Variants in CCDC171 observed in about 807,000 individuals in gnomAD.
CCDC171 encodes coiled-coil domain containing 171.
CCDC171 carries 177 observed loss-of-function variants against 168.2 expected under a neutral mutation model. That is an observed-to-expected ratio of 1.05 (90% CI 0.93 to 1.19). The LOEUF (loss-of-function observed/expected upper bound fraction) is 1.19, where lower values mean the gene tolerates loss of function less well. Among genes scored for constraint, CCDC171 ranks in the 50% most tolerant of loss-of-function variants. The pLI, the probability that CCDC171 is intolerant of heterozygous loss-of-function variation, is 0.00. For missense variants in CCDC171, 1,991 were observed against 1,539.0 expected (o/e 1.29, Z -4.91); for synonymous variants, 687 against 540.8 (o/e 1.27, Z -3.75).
rs560658870 is a variant in CCDC171, at chr9:15,973,395, G to C, written c.*1559G>C. Reference sequence around the variant, plus strand: ...TTTTTTTATTGGCCTTGGTAAATAAGATTTTATACTAACTATTTATTAGTA... The same window carrying C: ...TTTTTTTATTGGCCTTGGTAAATAACATTTTATACTAACTATTTATTAGTA... On this transcript the variant is annotated 3_prime_UTR_variant, in exon 26 of 26. Coordinates refer to ENST00000380701, the MANE Select transcript of CCDC171 (RefSeq NM_173550.4). 34 of 152,048 alleles carry C rather than the reference G, an allele frequency of 2.2e-4. No homozygotes were observed. Among genetic ancestry groups the C allele is most frequent in the African/African-American group, 8.2e-4 (34 of 41,498 alleles). 9.4% of individuals were successfully genotyped at this position (152,048 alleles called of 1,614,324 possible).
At chr9:15,982,549 G>C (rs767425718) in intron 3 of CCDC171, among the ~76,000 whole-genome samples, 1 of 152,140 alleles carries the variant, frequency 6.6e-6, no homozygotes, top group Non-Finnish European at 1.5e-5. Flanking sequence ...TGGAACCTGA[G>C]GGCAGGAGTG....
intron 11 of CCDC171, among the ~76,000 whole-genome samples, chr9:15,715,149 G>T (rs948970805): frequency 3.3e-5 from 5 of 152,186 alleles, no homozygotes; most frequent in African/African-American, 4.8e-5. Flanking sequence ...ACGAAGCAGG[G>T]ACTTCCGTTA....
At chr9:15,736,540 C>T (rs193044035) in intron 16 of CCDC171, among the ~76,000 whole-genome samples, 10 of 152,126 alleles carry the variant, frequency 6.6e-5, no homozygotes, top group Admixed American at 2.6e-4. Context: ...TAAGTAGAGA[C>T]GGGGTTTCGC....
At chr9:15,808,855 A>T (rs2059195051) in intron 21 of CCDC171, among the ~76,000 whole-genome samples, 1 of 119,474 alleles carries the variant, frequency 8.4e-6, no homozygotes, top group Non-Finnish European at 1.9e-5. Flanking sequence ...TATAAACAGC[A>T]GAAATTTTTC....
intron 7 of CCDC171, among the ~76,000 whole-genome samples, chr9:15,637,560 C>G (rs960403153): frequency 2.0e-5 from 3 of 151,344 alleles, no homozygotes; most frequent in Admixed American, 2.0e-4. Context: ...TGCTGGTGTG[C>G]TGCACCCATT....
chr9:15,569,839 A>AAAC (rs2040066069), intron 2 of CCDC171, among the ~76,000 whole-genome samples: 1 of 53,712 alleles, frequency 1.9e-5, no homozygotes, highest in African/African-American at 5.3e-5. Flanking sequence ...AACAAAAAAC[A>AAAC]AACAAACAAA....
intron 16 of CCDC171, among the ~76,000 whole-genome samples, chr9:15,733,790 A>G (rs1332548249): frequency 6.6e-6 from 1 of 152,020 alleles, no homozygotes; most frequent in East Asian, 1.9e-4. Flanking sequence ...TCTCTTTTTG[A>G]GACACTTTCG....
chr9:15,709,934 C>T (rs1588085266), intron 11 of CCDC171, among the ~76,000 whole-genome samples: 1 of 152,084 alleles, frequency 6.6e-6, no homozygotes, highest in Admixed American at 6.5e-5. Context: ...CATTTATCAA[C>T]TTAAGAACCA....
At chr9:15,711,577 T>A (rs979359085) in intron 11 of CCDC171, among the ~76,000 whole-genome samples, 1 of 152,180 alleles carries the variant, frequency 6.6e-6, no homozygotes, top group Admixed American at 6.5e-5. Flanking sequence ...GTGTGCATTA[T>A]AAGATAAGAA....
At chr9:15,673,751 A>C (rs1459510719) in intron 9 of CCDC171, among the ~76,000 whole-genome samples, 6 of 152,222 alleles carry the variant, frequency 3.9e-5, no homozygotes, top group African/African-American at 1.4e-4. Context: ...TCAGTTTGCC[A>C]GTATTTTAAT....
rs147437819 is a variant in CCDC171 at position 15,972,949 on chromosome 9, T to A, written c.*1113T>A. ...TGAGTTCTAACCACAAAGAGGTTTC[T>A]GGTAACTTACTTGACAAGCTTTTGG... On this transcript the variant is annotated 3_prime_UTR_variant, in exon 26 of 26. Coordinates refer to ENST00000380701, the MANE Select transcript of CCDC171 (RefSeq NM_173550.4). The A allele has an allele frequency of 1.3e-5, 2 of 152,282 alleles. No homozygotes were observed. Among genetic ancestry groups the A allele is most frequent in the African/African-American group, 4.8e-5 (2 of 41,568 alleles). The allele number at this position is 152,282 out of a possible 1,614,324, so 9.4% of individuals were successfully genotyped here. A position where few individuals can be genotyped will look rare whatever the true frequency, so the allele number is the denominator to read the frequency against.
intron 24 of CCDC171, chr9:15,886,704 A>G (rs1819445859): frequency 6.6e-6 from 1 of 152,004 alleles, no homozygotes; most frequent in African/African-American, 2.4e-5. Flanking sequence ...GCCAAGATAT[A>G]GAAACAACCT....
At chr9:16,092,515 G>A in the CCDC171 span, among the ~76,000 whole-genome samples, 6 of 151,986 alleles carry the variant, frequency 3.9e-5, no homozygotes, top group East Asian at 3.9e-4. Context: ...TCCCCACCCC[G>A]CCGCCCAAGC....
chr9:15,939,972 A>C (rs1477976905), intron 25 of CCDC171, among the ~76,000 whole-genome samples: 1 of 151,844 alleles, frequency 6.6e-6, no homozygotes, highest in Non-Finnish European at 1.5e-5. Flanking sequence ...TTGTTTCATG[A>C]CTGCTTGAAA....
intron 4 of CCDC171, among the ~76,000 whole-genome samples, chr9:15,583,830 G>C (rs1237101680): frequency 6.6e-6 from 1 of 151,966 alleles, no homozygotes; most frequent in Non-Finnish European, 1.5e-5. Context: ...AAGTGTTTTT[G>C]TTAACTTCAT....
chr9:16,017,708 T>C (rs1248923641), intron 3 of CCDC171, among the ~76,000 whole-genome samples: 1 of 152,244 alleles, frequency 6.6e-6, no homozygotes, highest in Non-Finnish European at 1.5e-5. Context: ...ACAATTTTAA[T>C]ATTTTTGATT....
chr9:15,647,110 C>G (rs1488950981), intron 7 of CCDC171, among the ~76,000 whole-genome samples: 1 of 152,160 alleles, frequency 6.6e-6, no homozygotes, highest in Non-Finnish European at 1.5e-5. Context: ...CTCAAAACCG[C>G]TCAACTACAT....
chr9:15,878,661 A>G (rs746141815), intron 24 of CCDC171, among the ~76,000 whole-genome samples: 1 of 152,214 alleles, frequency 6.6e-6, no homozygotes, highest in African/African-American at 2.4e-5. Flanking sequence ...TTGTTCTACC[A>G]TAAAGACACA....
intron 23 of CCDC171, among the ~76,000 whole-genome samples, chr9:15,859,134 A>T (rs953025015): frequency 1.2e-4 from 18 of 152,060 alleles, no homozygotes; most frequent in Non-Finnish European, 2.4e-4. Flanking sequence ...AATGCTTTTT[A>T]TGCATCTATT....
Sources: gnomAD v4.1 joint callset for allele counts (sites outside exome capture counted in the v4.1 genomes callset) on GRCh38, gnomAD v4.1.1 for gene constraint, MANE v1.5 for transcripts, NCBI Gene and HGNC (gene_info 2026-07-23, HGNC 2026-07-21) for gene names.